The following MAP2 variants were observed in gnomAD, a reference collection of about 807,000 sequenced individuals.
MAP2 encodes microtubule associated protein 2, also known as microtubule-associated protein 2.
In MAP2, 14 loss-of-function variants were observed where a neutral mutation model predicts 137.6. The observed-to-expected ratio is 0.10, with a 90% CI of 0.07 to 0.16. The LOEUF (loss-of-function observed/expected upper bound fraction) is 0.16, where lower values mean the gene tolerates loss of function less well. Among genes scored for constraint, MAP2 ranks in the 10% least tolerant of loss-of-function variants. MAP2 has a pLI of 1.00. For missense variants in MAP2, 2,088 were observed against 2,191.5 expected, an observed-to-expected ratio of 0.95 and a Z score of 0.94; for synonymous variants, 786 against 782.3, an observed-to-expected ratio of 1.00 and a Z score of -0.08.
At chr2:209,682,383 C>T (rs947408414) in intron 7 of MAP2, among the ~76,000 whole-genome samples, 7 of 152,138 alleles carry the variant, frequency 4.6e-5, no homozygotes, top group Non-Finnish European at 8.8e-5. Context: ...CCCAGCTACT[C>T]GGGAGGCTGA....
intron 13 of MAP2, among the ~76,000 whole-genome samples, chr2:209,712,955 C>T (rs546520210): frequency 1.9e-4 from 29 of 152,144 alleles, no homozygotes; most frequent in African/African-American, 6.7e-4. Flanking sequence ...GGTTGGCCAA[C>T]GCAGAAACAT....
At chr2:209,518,608 C>A (rs1358087197) in intron 2 of MAP2, among the ~76,000 whole-genome samples, 5 of 151,900 alleles carry the variant, frequency 3.3e-5, no homozygotes, top group Non-Finnish European at 7.4e-5. Flanking sequence ...TTTTTCCCTA[C>A]AAATATTTGT....
At chr2:209,676,836 G>A (rs1201129742) in intron 5 of MAP2, among the ~76,000 whole-genome samples, 1 of 143,618 alleles carries the variant, frequency 7.0e-6, no homozygotes, top group African/African-American at 2.6e-5. Context: ...TAAATCACTG[G>A]GGTGCTAGAA....
At chr2:209,582,505 G>T (rs573088454) in intron 3 of MAP2, among the ~76,000 whole-genome samples, 2 of 152,104 alleles carry the variant, frequency 1.3e-5, no homozygotes, top group East Asian at 3.9e-4. Context: ...ATTGTTTATT[G>T]CTTTTCATGT....
chr2:209,523,440 T>A (rs1005650756), intron 2 of MAP2, among the ~76,000 whole-genome samples: 1 of 152,118 alleles, frequency 6.6e-6, no homozygotes, highest in African/African-American at 2.4e-5. Context: ...CAGCGCCCTG[T>A]GTGCCCTTCT....
chr2:209,683,036 T>C (rs2055392607), intron 7 of MAP2, among the ~76,000 whole-genome samples: 1 of 152,210 alleles, frequency 6.6e-6, no homozygotes, highest in East Asian at 1.9e-4. Context: ...TTAATCTTCT[T>C]ACTCTATATG....
chr2:209,582,091 A>G (rs1263418747), intron 3 of MAP2, among the ~76,000 whole-genome samples: 1 of 152,100 alleles, frequency 6.6e-6, no homozygotes. Flanking sequence ...TTTAACACAT[A>G]GTATAGTGCC....
At chr2:209,616,080 A>T (rs918293541) in intron 3 of MAP2, among the ~76,000 whole-genome samples, 2 of 152,024 alleles carry the variant, frequency 1.3e-5, no homozygotes, top group African/African-American at 4.8e-5. Flanking sequence ...CTCCCTCTCC[A>T]CGCTTCAATG....
chr2:209,466,288 C>T (rs1402559293), intron 1 of MAP2, among the ~76,000 whole-genome samples: 1 of 152,178 alleles, frequency 6.6e-6, no homozygotes, highest in Non-Finnish European at 1.5e-5. Flanking sequence ...AATGTATACA[C>T]TTGCCATATT....
intron 1 of MAP2, among the ~76,000 whole-genome samples, chr2:209,463,695 AG>A (rs1238609648): frequency 1.3e-5 from 2 of 152,232 alleles, no homozygotes; most frequent in African/African-American, 4.8e-5. Context: ...CCAGGATAAA[AG>A]GGTAAAACCT....
At chr2:209,434,833 CTATA>C (rs869181860) in intron 1 of MAP2, among the ~76,000 whole-genome samples, 12,771 of 92,770 alleles carry the variant, frequency 0.14, 1,944 homozygotes, top group African/African-American at 0.37. Flanking sequence ...CTCTCTCTCT[CTATA>C]TATATATATA....
At chr2:209,644,943 A>T (rs1431299805) in intron 4 of MAP2, among the ~76,000 whole-genome samples, 1 of 152,172 alleles carries the variant, frequency 6.6e-6, no homozygotes, top group Admixed American at 6.5e-5. Flanking sequence ...ATTCATCAAT[A>T]GCTCAGACTG....
intron 1 of MAP2, among the ~76,000 whole-genome samples, chr2:209,449,245 T>A (rs1233780077): frequency 2.6e-5 from 4 of 152,138 alleles, no homozygotes; most frequent in Admixed American, 6.6e-5. Flanking sequence ...TGCTTAGCAC[T>A]TTTTTTAAAA....
At chr2:209,488,588 C>A (rs897491501) in intron 1 of MAP2, among the ~76,000 whole-genome samples, 2 of 152,096 alleles carry the variant, frequency 1.3e-5, no homozygotes, top group East Asian at 3.9e-4. Flanking sequence ...CTGGGATGCT[C>A]GAGCTTGGTG....
intron 1 of MAP2, among the ~76,000 whole-genome samples, chr2:209,491,732 A>G (rs1194952839): frequency 6.6e-6 from 1 of 152,182 alleles, no homozygotes; most frequent in Non-Finnish European, 1.5e-5. Context: ...ACACCCTCCC[A>G]AGACTAAATC....
intron 1 of MAP2, among the ~76,000 whole-genome samples, chr2:209,470,327 T>C (rs1026943370): frequency 6.6e-6 from 1 of 152,132 alleles, no homozygotes; most frequent in Non-Finnish European, 1.5e-5. Flanking sequence ...ATCTTGTATA[T>C]TTATCTAGCC....
chr2:209,503,357 A>T (rs139665565), intron 1 of MAP2, among the ~76,000 whole-genome samples: 1 of 151,792 alleles, frequency 6.6e-6, no homozygotes, highest in African/African-American at 2.4e-5. Context: ...ATTTTCTCCC[A>T]TTCTCTAGGT....
intron 1 of MAP2, among the ~76,000 whole-genome samples, chr2:209,442,180 A>G (rs1254625172): frequency 1.3e-5 from 2 of 151,598 alleles, no homozygotes; most frequent in African/African-American, 4.8e-5. Flanking sequence ...AACTATTTCT[A>G]TTAAGTCCTA....
chr2:209,666,656 T>G (rs2046429684), intron 5 of MAP2, among the ~76,000 whole-genome samples: 1 of 152,076 alleles, frequency 6.6e-6, no homozygotes, highest in African/African-American at 2.4e-5. Flanking sequence ...CCTTTCTAGT[T>G]GGATTTCACT....
Sources: gnomAD v4.1 joint callset for allele counts (sites outside exome capture counted in the v4.1 genomes callset) on GRCh38, gnomAD v4.1.1 for gene constraint, MANE v1.5 for transcripts, NCBI Gene and HGNC (gene_info 2026-07-23, HGNC 2026-07-21) for gene names.